SUCO: variants seen among roughly 807,000 people sequenced by gnomAD.
SUCO encodes the protein SUN domain containing ossification factor.
Under a neutral mutation model 148.1 loss-of-function variants are expected in SUCO, and 57 were observed. The ratio of observed to expected loss-of-function variants is 0.38; its 90% CI spans 0.31 to 0.48. The LOEUF is 0.48. SUCO is among the 20% of genes least tolerant of loss of function. The pLI is 0.96. For synonymous variants in SUCO, 470 were observed against 502.7 expected (o/e 0.93, Z 0.87); for missense variants, 1,331 against 1,468.2 (o/e 0.91, Z 1.53).
At chr1:172,570,778 ATTATG>A (rs1301624976) in intron 9 of SUCO, 48 bp downstream of exon 9, 4 of 1,135,086 alleles carry the variant, frequency 3.5e-6, no homozygotes, top group Non-Finnish European at 4.0e-6. Context: ...ATATATGCAT[ATTATG>A]TTAAGCTTTT....
intron 10 of SUCO, among the ~76,000 whole-genome samples, chr1:172,574,606 A>T (rs1655294297): frequency 1.3e-5 from 2 of 152,064 alleles, no homozygotes; most frequent in African/African-American, 4.8e-5. Context: ...AAAAATATGT[A>T]CTTTTACATC....
chr1:172,587,911 T>C (rs1443761128), intron 17 of SUCO, among the ~76,000 whole-genome samples: 3 of 152,086 alleles, frequency 2.0e-5, no homozygotes, highest in African/African-American at 7.2e-5. Context: ...AGCATTATAA[T>C]TTATAACACT....
At chr1:172,554,321 T>A (rs1006501986) in intron 3 of SUCO, among the ~76,000 whole-genome samples, 1 of 152,212 alleles carries the variant, frequency 6.6e-6, no homozygotes, top group Admixed American at 6.5e-5. Flanking sequence ...TATGATGTAG[T>A]TGTGCTCAAA....
chr1:172,532,915 G>A, upstream of SUCO: 6 of 1,386,504 alleles, frequency 4.3e-6, no homozygotes, highest in South Asian at 8.8e-5. Context: ...ATCTGCTCCT[G>A]CGCTTTGTGG....
Position 172,610,065 on chromosome 1 carries a change from C to T in SUCO, c.3571C>T (p.Gln1191Ter). The T allele has an allele frequency of 6.2e-7, 1 of 1,613,838 alleles. No individual in the cohort carries two copies. Among genetic ancestry groups the T allele is most frequent in the Non-Finnish European group, 8.5e-7 (1 of 1,179,848 alleles). The change falls in exon 24 of 24, where the codon CAG (glutamine) becomes TAG (stop). Residue 1191 changes from glutamine to a stop codon, truncating the protein, a stop_gained. Transcript: ENST00000263688. LOFTEE classifies it high-confidence loss of function. ...AGCTTGCACAAGTCTGTGCAATGGA[C>T]AGTCTCAAAAGACAAAAACTGAGAA... ...ISACTSLCNG[Q>*]SQKTKTEKRA...
At chr1:172,590,291 G>A (rs749684423) in intron 18 of SUCO, 29 of 976,946 alleles carry the variant, frequency 3.0e-5, no homozygotes, top group Non-Finnish European at 3.4e-5. Flanking sequence ...AAAGCTTTTA[G>A]TGGAATTTGA....
intron 6 of SUCO, among the ~76,000 whole-genome samples, chr1:172,565,923 G>T (rs1327201392): frequency 6.6e-6 from 1 of 152,162 alleles, no homozygotes; most frequent in African/African-American, 2.4e-5. Flanking sequence ...ATTATGGGGG[G>T]TGGTAGAGGG....
intron 6 of SUCO, among the ~76,000 whole-genome samples, chr1:172,558,816 T>C (rs1653934954): frequency 6.6e-6 from 1 of 152,226 alleles, no homozygotes; most frequent in African/African-American, 2.4e-5. Context: ...TTTATAATAA[T>C]GTCAAATGTA....
At chr1:172,568,305 T>TTGGCC in intron 6 of SUCO, 1 of 905,988 alleles carries the variant, frequency 1.1e-6, no homozygotes, top group Non-Finnish European at 1.3e-6. Context: ...ATTCTTTGCT[T>TTGGCC]CCCACCCACC....
chr1:172,601,891 AT>A (rs1156394936), intron 20 of SUCO, 172 bp from the exon 21 acceptor site: 4 of 238,296 alleles, frequency 1.7e-5, no homozygotes, highest in Non-Finnish European at 2.7e-5. Flanking sequence ...GCTGCAAAGA[AT>A]TTTTTTTCTT....
At chr1:172,604,279 T>G (rs1657717648) in intron 22 of SUCO, among the ~76,000 whole-genome samples, 3 of 151,940 alleles carry the variant, frequency 2.0e-5, no homozygotes, top group Admixed American at 6.6e-5. Context: ...GATAATAGAA[T>G]TACTTCTATT....
In SUCO at chr1:172,577,660, T is replaced by C. The variant is rs185273230; in HGVS notation, c.1284+101T>C. The C allele has an allele frequency of 4.4e-6, 7 of 1,576,500 alleles. No individual in the cohort carries two copies. The East Asian group carries it at 1.6e-4, about 35-fold the overall frequency. On this transcript the variant is annotated intron_variant, in intron 12 of 23. Transcript: ENST00000263688. ...TTGATTTTGGGGAAAATAAGGACTT[T>C]ATAGAAATGTTTAGAAATGTTATAA...
At chr1:172,558,092 C>T (rs1397490643) in intron 6 of SUCO, among the ~76,000 whole-genome samples, 3 of 152,136 alleles carry the variant, frequency 2.0e-5, no homozygotes, top group Non-Finnish European at 4.4e-5. Flanking sequence ...ATTTAATCAT[C>T]TTCTTAGAAA....
intron 9 of SUCO, among the ~76,000 whole-genome samples, chr1:172,571,523 G>C (rs934585038): frequency 6.7e-6 from 1 of 149,150 alleles, no homozygotes; most frequent in African/African-American, 2.5e-5. Flanking sequence ...GCCGCCCATC[G>C]TCTGGGACGT....
At chr1:172,600,713 TG>T (rs1657453282) in intron 20 of SUCO, among the ~76,000 whole-genome samples, 1 of 151,568 alleles carries the variant, frequency 6.6e-6, no homozygotes, top group Admixed American at 6.6e-5. Flanking sequence ...TGTGTGTGTG[TG>T]TGTGTGTGTG....
chr1:172,552,475 T>A, intron 2 of SUCO: 1 of 172,732 alleles, frequency 5.8e-6, no homozygotes, highest in Non-Finnish European at 1.2e-5. Context: ...GACAAACTTT[T>A]GCATTTTGTT....
At chr1:172,578,983 G>A (rs780168384) in intron 14 of SUCO, among the ~76,000 whole-genome samples, 9 of 151,896 alleles carry the variant, frequency 5.9e-5, no homozygotes, top group Non-Finnish European at 1.3e-4. Context: ...TTAAAATTTT[G>A]GTAAGCATTA....
intron 6 of SUCO, among the ~76,000 whole-genome samples, chr1:172,566,098 T>C (rs1654534097): frequency 6.6e-6 from 1 of 152,220 alleles, no homozygotes; most frequent in African/African-American, 2.4e-5. Context: ...GGGTCCCATA[T>C]GAGGCAGTGG....
At chr1:172,601,342 A>C (rs918141832) in intron 20 of SUCO, among the ~76,000 whole-genome samples, 1 of 152,044 alleles carries the variant, frequency 6.6e-6, no homozygotes, top group African/African-American at 2.4e-5. Flanking sequence ...ATACAAGAAA[A>C]TTAGCCGGTG....
Sources: allele counts gnomAD v4.1 joint callset (sites outside exome capture counted in the v4.1 genomes callset), GRCh38; gene constraint gnomAD v4.1.1; transcripts MANE v1.5; gene names NCBI Gene and HGNC (gene_info 2026-07-23, HGNC 2026-07-21).